Variants in EXOC6B observed in about 807,000 individuals in gnomAD.
The protein encoded by EXOC6B is SEC15 homolog B.
In EXOC6B, 54 loss-of-function variants were observed where a neutral mutation model predicts 113.5. That is an observed-to-expected ratio of 0.48 (90% CI 0.38 to 0.60). The LOEUF (loss-of-function observed/expected upper bound fraction) is 0.60. Ranked by LOEUF, EXOC6B falls within the 20% of genes least tolerant of loss-of-function variation. The probability of loss-of-function intolerance (pLI) is 0.00; values close to 1 mark genes in which losing one functional copy is unlikely to be tolerated. For missense variants in EXOC6B, 797 were observed against 977.5 expected, an observed-to-expected ratio of 0.82 and a Z score of 2.46; for synonymous variants, 357 against 339.0, an observed-to-expected ratio of 1.05 and a Z score of -0.58.
intron 1 of EXOC6B, among the ~76,000 whole-genome samples, chr2:72,810,920 A>T (rs1464818948): frequency 6.6e-6 from 1 of 151,924 alleles, no homozygotes; most frequent in African/African-American, 2.4e-5. Context: ...GGTGGCACTC[A>T]CCTGTAGTTC....
chr2:72,819,602 A>T lies in EXOC6B; in HGVS notation c.113+6196T>A, dbSNP rs181716305. Among the ~76,000 whole-genome samples, 1,129 of 152,324 alleles carry T rather than the reference A, an allele frequency of 7.4e-3. 9 individuals carry two copies. The highest frequency in any genetic ancestry group is 0.024 in the Middle Eastern group (7 of 294). ...GGACCAGGAAAAGGAAACAAAAAAA[A>T]TAGGCTAACCACTAAACTAACAAAA... On this transcript the variant is annotated intron_variant, in intron 1 of 21. Transcript: ENST00000272427.
intron 6 of EXOC6B, among the ~76,000 whole-genome samples, chr2:72,580,359 T>A (rs1302587020): frequency 6.6e-6 from 1 of 151,876 alleles, no homozygotes; most frequent in Non-Finnish European, 1.5e-5. Context: ...GCCAGGCTGG[T>A]CTCGAACTCC....
intron 7 of EXOC6B, among the ~76,000 whole-genome samples, chr2:72,567,214 A>C (rs1704233447): frequency 6.6e-6 from 1 of 151,236 alleles, no homozygotes; most frequent in South Asian, 2.1e-4. Flanking sequence ...CAAACAGAAG[A>C]AAAAAAAATT....
At chr2:72,214,541 G>C (rs1308558406) in intron 20 of EXOC6B, among the ~76,000 whole-genome samples, 1 of 150,690 alleles carries the variant, frequency 6.6e-6, no homozygotes, top group African/African-American at 2.4e-5. Context: ...GGTAACCCAA[G>C]CCCCTTTTCA....
At chr2:72,370,709 G>A (rs1032525225) in intron 19 of EXOC6B, among the ~76,000 whole-genome samples, 1 of 152,222 alleles carries the variant, frequency 6.6e-6, no homozygotes, top group South Asian at 2.1e-4. Flanking sequence ...CATGTCCTTT[G>A]TAGGGACATG....
intron 7 of EXOC6B, among the ~76,000 whole-genome samples, chr2:72,572,475 G>A (rs938514987): frequency 5.3e-5 from 8 of 152,152 alleles, no homozygotes; most frequent in African/African-American, 1.9e-4. Flanking sequence ...TTTTGTGACA[G>A]AATATATGTA....
chr2:72,462,420 C>T (rs908772078), intron 18 of EXOC6B: 1 of 151,752 alleles, frequency 6.6e-6, no homozygotes, highest in Non-Finnish European at 1.5e-5. Context: ...TTGAGCCTTG[C>T]CAAAATTCAT....
chr2:72,689,795 G>A (rs888822190), intron 6 of EXOC6B, among the ~76,000 whole-genome samples: 1 of 152,166 alleles, frequency 6.6e-6, no homozygotes, highest in Non-Finnish European at 1.5e-5. Flanking sequence ...CAGCACAGGG[G>A]ACATAGCTAG....
intron 18 of EXOC6B, among the ~76,000 whole-genome samples, chr2:72,432,634 AG>A (rs749306146): frequency 2.0e-5 from 3 of 152,120 alleles, no homozygotes; most frequent in Non-Finnish European, 4.4e-5. Context: ...GGCATGAGAT[AG>A]TATCTCATTG....
At chr2:72,682,336 G>A (rs1249008479) in intron 6 of EXOC6B, among the ~76,000 whole-genome samples, 1 of 152,138 alleles carries the variant, frequency 6.6e-6, no homozygotes, top group Non-Finnish European at 1.5e-5. Flanking sequence ...CAAAATCCCA[G>A]GAGTTGAGGA....
At chr2:72,373,755 A>G (rs1172853651) in intron 19 of EXOC6B, among the ~76,000 whole-genome samples, 1 of 152,232 alleles carries the variant, frequency 6.6e-6, no homozygotes, top group East Asian at 1.9e-4. Context: ...TCCAAAACAC[A>G]GGCAATAACA....
chr2:72,412,773 C>T (rs1694260194), intron 18 of EXOC6B, among the ~76,000 whole-genome samples: 1 of 152,126 alleles, frequency 6.6e-6, no homozygotes, highest in East Asian at 1.9e-4. Flanking sequence ...TAGAACACAG[C>T]ATTTTCTTTT....
rs530193043 is a variant in EXOC6B, at chr2:72,420,661, T to G, written c.1981-40791A>C. 5.9e-5 allele frequency among the ~76,000 whole-genome samples: 9 copies of G among 152,328 alleles called. No homozygotes were observed. In the South Asian group the frequency reaches 1.7e-3, roughly 28 times the overall value. ...TTGATGGACATTTGGGTTGGTTCCA[T>G]GCCTTTCCTATTGTGAACACTGCCA... is the stretch of plus-strand genomic sequence containing the variant. On this transcript the variant is annotated intron_variant, in intron 18 of 21. Transcript: ENST00000272427.
chr2:72,526,901 C>G (rs529448261), intron 8 of EXOC6B, among the ~76,000 whole-genome samples: 2 of 151,764 alleles, frequency 1.3e-5, no homozygotes, highest in African/African-American at 4.8e-5. Flanking sequence ...AGAGACAGAC[C>G]CCATGTGCAC....
intron 1 of EXOC6B, among the ~76,000 whole-genome samples, chr2:72,824,034 G>A (rs1490182024): frequency 6.6e-6 from 1 of 152,080 alleles, no homozygotes; most frequent in Non-Finnish European, 1.5e-5. Context: ...GGGGTTGGTG[G>A]AGAGACAGGC....
At chr2:72,496,323 A>G in intron 14 of EXOC6B, 131 bp downstream of exon 14, 1 of 577,318 alleles carries the variant, frequency 1.7e-6, no homozygotes, top group Non-Finnish European at 3.1e-6. Context: ...AAGAAAAAAG[A>G]ATCCTTTGAA....
chr2:72,635,173 G>GT (rs1252500337), intron 6 of EXOC6B, among the ~76,000 whole-genome samples: 1 of 151,876 alleles, frequency 6.6e-6, no homozygotes, highest in African/African-American at 2.4e-5. Flanking sequence ...GAAAAGCAAA[G>GT]TAATTCTAAA....
chr2:72,506,328 T>C (rs914012913), intron 11 of EXOC6B, among the ~76,000 whole-genome samples: 3 of 152,166 alleles, frequency 2.0e-5, no homozygotes, highest in African/African-American at 4.8e-5. Context: ...GACTGTTTTT[T>C]CTTCTACTTC....
intron 1 of EXOC6B, among the ~76,000 whole-genome samples, chr2:72,747,061 AAG>A (rs149051631): frequency 2.0e-5 from 3 of 151,778 alleles, no homozygotes; most frequent in Non-Finnish European, 2.9e-5. Context: ...GTGGTTTAAA[AAG>A]AGAGAGAGAG....
Sources: allele counts gnomAD v4.1 joint callset (sites outside exome capture counted in the v4.1 genomes callset), GRCh38; gene constraint gnomAD v4.1.1; transcripts MANE v1.5; gene names NCBI Gene and HGNC (gene_info 2026-07-23, HGNC 2026-07-21).